The following PITPNC1 variants were observed in gnomAD, a reference collection of about 807,000 sequenced individuals.
PITPNC1 encodes the protein cytoplasmic phosphatidylinositol transfer protein 1.
In PITPNC1, 18 loss-of-function variants were observed where a neutral mutation model predicts 44.7. The observed-to-expected ratio is 0.40, with a 90% CI of 0.28 to 0.60. The LOEUF is 0.60. PITPNC1 is among the 20% of genes least tolerant of loss of function. PITPNC1 has a pLI of 0.39. For synonymous variants in PITPNC1, 141 were observed against 149.6 expected (o/e 0.94, Z 0.42); for missense variants, 290 against 418.4 (o/e 0.69, Z 2.68).
chr17:67,606,295 G>A (rs928924537), intron 5 of PITPNC1, among the ~76,000 whole-genome samples: 2 of 152,136 alleles, frequency 1.3e-5, no homozygotes, highest in Non-Finnish European at 1.5e-5. Context: ...CAAACCTTGG[G>A]GAAAAGCATC....
chr17:67,465,183 T>C (rs1001077094), intron 1 of PITPNC1, among the ~76,000 whole-genome samples: 2 of 152,222 alleles, frequency 1.3e-5, no homozygotes, highest in African/African-American at 4.8e-5. Flanking sequence ...TTGTTGAACA[T>C]ACACCTGTCT....
chr17:67,653,650 T>G (rs2042233101), intron 6 of PITPNC1, among the ~76,000 whole-genome samples: 1 of 152,178 alleles, frequency 6.6e-6, no homozygotes, highest in Non-Finnish European at 1.5e-5. Flanking sequence ...ATATCACATG[T>G]TAGATTTCTT....
chr17:67,419,633 C>T (rs2038640439), intron 1 of PITPNC1, among the ~76,000 whole-genome samples: 2 of 152,146 alleles, frequency 1.3e-5, no homozygotes, highest in South Asian at 4.1e-4. Context: ...AGGCCAGGCG[C>T]AGTGGCTCAA....
At chr17:67,645,658 T>C (rs1475213063) in intron 6 of PITPNC1, among the ~76,000 whole-genome samples, 4 of 152,194 alleles carry the variant, frequency 2.6e-5, no homozygotes. Context: ...TCAGTGCCTT[T>C]GAATTTTGTT....
At position 67,636,161 on chromosome 17, in the gene PITPNC1, G is replaced by T. The variant is rs187375381; in HGVS notation, c.462+3923G>T. ...AAAATTCAAAAAATTAGCCGGCCAT[G>T]GTGGTAGGTGCCTGTAATTCCATCT... On this transcript the variant is annotated intron_variant, in intron 6 of 8. Coordinates refer to ENST00000581322, the MANE Select transcript of PITPNC1 (RefSeq NM_012417.4). 1.2e-3 allele frequency among the ~76,000 whole-genome samples: 188 copies of T among 152,030 alleles called. 1 individual carries two copies. Among genetic ancestry groups the T allele is most frequent in the Non-Finnish European group, 2.1e-3 (144 of 67,994 alleles).
chr17:67,381,272 G>A (rs1330819825), intron 1 of PITPNC1, among the ~76,000 whole-genome samples: 1 of 145,114 alleles, frequency 6.9e-6, no homozygotes, highest in African/African-American at 2.5e-5. Context: ...AGCTTGCAGT[G>A]AGCTGAGATC....
At chr17:67,539,003 G>A (rs1267785190) in intron 2 of PITPNC1, among the ~76,000 whole-genome samples, 1 of 148,430 alleles carries the variant, frequency 6.7e-6, no homozygotes, top group African/African-American at 2.5e-5. Flanking sequence ...CCAATCAAAA[G>A]ATGGGCAAAG....
chr17:67,450,369 C>A (rs2039158050), intron 1 of PITPNC1, among the ~76,000 whole-genome samples: 1 of 109,556 alleles, frequency 9.1e-6, no homozygotes, highest in Non-Finnish European at 2.2e-5. Flanking sequence ...GCACGGGAGA[C>A]TTCGTTAAAA....
At chr17:67,532,980 G>T in intron 2 of PITPNC1, 30 bp downstream of exon 2, 2 of 1,582,208 alleles carry the variant, frequency 1.3e-6, no homozygotes, top group South Asian at 1.2e-5. Flanking sequence ...GTTCTGCACA[G>T]AAGCCCCCTC....
intron 5 of PITPNC1, among the ~76,000 whole-genome samples, chr17:67,578,990 A>G (rs2013240): frequency 0.025 from 3,753 of 152,312 alleles, 175 homozygotes; most frequent in African/African-American, 0.086. Flanking sequence ...TCAAAAAAAT[A>G]AAAAAAGAGA....
intron 1 of PITPNC1, among the ~76,000 whole-genome samples, chr17:67,416,203 CTTT>C (rs71687631): frequency 3.0e-5 from 2 of 67,610 alleles, no homozygotes; most frequent in Non-Finnish European, 2.6e-5. Flanking sequence ...ACATGTATTG[CTTT>C]TTTTTTTTTT....
chr17:67,649,930 C>T (rs1334343861), intron 6 of PITPNC1, among the ~76,000 whole-genome samples: 1 of 152,056 alleles, frequency 6.6e-6, no homozygotes, highest in Non-Finnish European at 1.5e-5. Context: ...GGCTTCCGTG[C>T]CCCCTCTGGG....
At chr17:67,466,880 C>G (rs746304755) in intron 1 of PITPNC1, among the ~76,000 whole-genome samples, 12 of 152,118 alleles carry the variant, frequency 7.9e-5, no homozygotes, top group Middle Eastern at 3.4e-3. Flanking sequence ...TTCTTCCCCC[C>G]CAAATCCAGC....
chr17:67,377,561 G>A lies in PITPNC1; in HGVS notation c.-594G>A. 6.5e-6 allele frequency: 1 copy of A among 153,520 alleles called. No homozygotes were observed. Among genetic ancestry groups the A allele is most frequent in the East Asian group, 1.9e-4 (1 of 5,178 alleles). 9.5% of individuals were successfully genotyped at this position (153,520 alleles called of 1,614,324 possible). On this transcript the variant is annotated 5_prime_UTR_variant, in exon 1 of 9. Coordinates refer to ENST00000581322, the MANE Select transcript of PITPNC1 (RefSeq NM_012417.4). ...GAGCCCCGGAGCGGCGCGGGGACCGGCCCTAAAAAGAGCAGGAAATCTTGT... is the reference window on the plus strand; with the variant it reads ...GAGCCCCGGAGCGGCGCGGGGACCGACCCTAAAAAGAGCAGGAAATCTTGT...
chr17:67,494,185 T>TTCTTTCTCTTTCTTTC, intron 1 of PITPNC1, among the ~76,000 whole-genome samples: 5 of 102,428 alleles, frequency 4.9e-5, no homozygotes, highest in East Asian at 2.9e-4. Flanking sequence ...CTTTCTTTCT[T>TTCTTTCTCTTTCTTTC]TTTCTTTCTT....
chr17:67,675,670 A>T, intron 8 of PITPNC1, 128 bp downstream of exon 8: 1 of 697,888 alleles, frequency 1.4e-6, no homozygotes, highest in South Asian at 1.7e-5. Context: ...CTGTGTTGGA[A>T]ATAGCACTGT....
intron 1 of PITPNC1, among the ~76,000 whole-genome samples, chr17:67,385,310 G>A (rs777560541): frequency 3.3e-5 from 5 of 152,132 alleles, no homozygotes; most frequent in Non-Finnish European, 5.9e-5. Context: ...CTGCAAAAAC[G>A]CACCAATCAG....
chr17:67,631,710 A>T (rs1414656388), intron 5 of PITPNC1, among the ~76,000 whole-genome samples: 1 of 133,470 alleles, frequency 7.5e-6, no homozygotes, highest in Non-Finnish European at 1.6e-5. Context: ...TTTTAATTTT[A>T]AAAAACACAC....
intron 1 of PITPNC1, among the ~76,000 whole-genome samples, chr17:67,512,614 T>C (rs748118953): frequency 1.3e-5 from 2 of 152,138 alleles, no homozygotes; most frequent in African/African-American, 2.4e-5. Flanking sequence ...ATTTATATTT[T>C]ATTATCATTT....
Sources: allele counts gnomAD v4.1 joint callset (sites outside exome capture counted in the v4.1 genomes callset), GRCh38; gene constraint gnomAD v4.1.1; transcripts MANE v1.5; gene names NCBI Gene and HGNC (gene_info 2026-07-23, HGNC 2026-07-21).